Variants in XYLT1 observed in about 807,000 individuals in gnomAD.
XYLT1 encodes the protein xylosyltransferase 1, also known as beta-D-xylosyltransferase 1.
In XYLT1, 36 loss-of-function variants were observed where a neutral mutation model predicts 91.3. That is an observed-to-expected ratio of 0.39 (90% confidence interval 0.30 to 0.52). The LOEUF is 0.52. XYLT1 is among the 20% of genes least tolerant of loss of function. The pLI is 0.68. For missense variants in XYLT1, 1,242 were observed against 1,284.5 expected, an observed-to-expected ratio of 0.97 and a Z score of 0.51; for synonymous variants, 588 against 532.0, an observed-to-expected ratio of 1.11 and a Z score of -1.45.
intron 2 of XYLT1, among the ~76,000 whole-genome samples, chr16:17,344,550 G>A (rs1288774873): frequency 6.6e-6 from 1 of 151,674 alleles, no homozygotes; most frequent in East Asian, 1.9e-4. Context: ...CAGATCAAGT[G>A]ACCCCAGGTT....
chr16:17,112,970 G>C (rs1966845232), intron 11 of XYLT1, among the ~76,000 whole-genome samples: 2 of 151,970 alleles, frequency 1.3e-5, no homozygotes, highest in African/African-American at 4.8e-5. Context: ...CTCCCGAGTA[G>C]CTGGGATCAC....
At chr16:17,157,520 T>G (rs543847011) in intron 6 of XYLT1, among the ~76,000 whole-genome samples, 1 of 152,340 alleles carries the variant, frequency 6.6e-6, no homozygotes, top group Admixed American at 6.5e-5. Context: ...TCAGATTTTT[T>G]AAGACTGGCT....
chr16:17,424,134 T>G (rs2036283028), intron 1 of XYLT1, among the ~76,000 whole-genome samples: 1 of 152,218 alleles, frequency 6.6e-6, no homozygotes, highest in Non-Finnish European at 1.5e-5. Flanking sequence ...CACCCTTTAC[T>G]TCTTCTGAAA....
intron 9 of XYLT1, among the ~76,000 whole-genome samples, chr16:17,131,113 C>CA (rs1414510901): frequency 6.6e-6 from 1 of 152,178 alleles, no homozygotes; most frequent in East Asian, 1.9e-4. Context: ...CCGTGCCTAA[C>CA]ACACAGGCTG....
chr16:17,421,951 C>A (rs1211806824), intron 1 of XYLT1, among the ~76,000 whole-genome samples: 1 of 152,030 alleles, frequency 6.6e-6, no homozygotes. Context: ...AATGTTCCCA[C>A]CTAAGCCTTC....
chr16:17,424,214 T>C (rs1222910164), intron 1 of XYLT1, among the ~76,000 whole-genome samples: 3 of 152,326 alleles, frequency 2.0e-5, no homozygotes, highest in South Asian at 4.1e-4. Context: ...CTGCCACTTC[T>C]TAGCTGTGTG....
intron 2 of XYLT1, among the ~76,000 whole-genome samples, chr16:17,316,558 G>C (rs1263176047): frequency 6.6e-6 from 1 of 151,832 alleles, no homozygotes; most frequent in Non-Finnish European, 1.5e-5. Flanking sequence ...CACCATGCCT[G>C]GATGATTTTG....
chr16:17,317,069 G>A (rs955622507), intron 2 of XYLT1, among the ~76,000 whole-genome samples: 4 of 151,490 alleles, frequency 2.6e-5, no homozygotes, highest in Admixed American at 1.3e-4. Flanking sequence ...TGATCCGCCC[G>A]CCTCGGCCTC....
intron 1 of XYLT1, among the ~76,000 whole-genome samples, chr16:17,378,834 T>A (rs9929482): frequency 6.6e-6 from 1 of 152,040 alleles, no homozygotes; most frequent in Non-Finnish European, 1.5e-5. Flanking sequence ...CTCTTTATAC[T>A]GTATTCTCCT....
chr16:17,112,057 A>C lies in XYLT1; in HGVS notation c.2558-3040T>G, dbSNP rs553823043. ...GATACCGAAACTGACAAAAGGCAGG[A>C]CATTCAAAGGGAAAAGAGCAGCTAA... On this transcript the variant is annotated intron_variant, in intron 11 of 11. Coordinates refer to ENST00000261381, the MANE Select transcript of XYLT1 (RefSeq NM_022166.4). Among the ~76,000 whole-genome samples, 4 of 152,328 alleles carry C rather than the reference A, an allele frequency of 2.6e-5. No individual in the cohort carries two copies. The South Asian group carries it at 8.3e-4, about 32-fold the overall frequency.
chr16:17,295,528 G>T (rs569714534), intron 2 of XYLT1, among the ~76,000 whole-genome samples: 23 of 151,980 alleles, frequency 1.5e-4, no homozygotes, highest in Non-Finnish European at 2.8e-4. Flanking sequence ...GACAATTTTT[G>T]TATTTTTAGT....
intron 1 of XYLT1, among the ~76,000 whole-genome samples, chr16:17,423,190 A>G (rs1014762003): frequency 6.6e-6 from 1 of 152,154 alleles, no homozygotes; most frequent in African/African-American, 2.4e-5. Flanking sequence ...CTGCCCCAAG[A>G]TTCCACCCTT....
At chr16:17,298,209 G>A (rs2034342229) in intron 2 of XYLT1, among the ~76,000 whole-genome samples, 1 of 152,098 alleles carries the variant, frequency 6.6e-6, no homozygotes, top group Non-Finnish European at 1.5e-5. Flanking sequence ...TCCGTCAGGT[G>A]ACAGCCATGA....
At chr16:17,129,252 G>A (rs1300156968) in intron 9 of XYLT1, among the ~76,000 whole-genome samples, 2 of 151,972 alleles carry the variant, frequency 1.3e-5, no homozygotes, top group African/African-American at 4.8e-5. Flanking sequence ...CTCCTGCGAT[G>A]ACAGAAATAT....
At chr16:17,469,653 T>C (rs891198352) in intron 1 of XYLT1, among the ~76,000 whole-genome samples, 6 of 152,100 alleles carry the variant, frequency 3.9e-5, no homozygotes, top group Admixed American at 2.0e-4. Flanking sequence ...AGTAATCCCA[T>C]AGGAGTGGAA....
intron 1 of XYLT1, among the ~76,000 whole-genome samples, chr16:17,379,791 A>ACC: frequency 2.0e-5 from 3 of 151,000 alleles, no homozygotes; most frequent in Non-Finnish European, 4.4e-5. Flanking sequence ...ACACACACAC[A>ACC]CACCCCTTAC....
At chr16:17,349,383 A>C (rs1316027263) in intron 2 of XYLT1, among the ~76,000 whole-genome samples, 1 of 152,156 alleles carries the variant, frequency 6.6e-6, no homozygotes, top group Non-Finnish European at 1.5e-5. Context: ...TCTTATTGAT[A>C]TCTCTACCTA....
At chr16:17,255,558 A>C (rs1209720469) in intron 3 of XYLT1, among the ~76,000 whole-genome samples, 1 of 152,216 alleles carries the variant, frequency 6.6e-6, no homozygotes. Context: ...ACAGGTTAAC[A>C]AAAGATGCTG....
intron 2 of XYLT1, among the ~76,000 whole-genome samples, chr16:17,265,953 T>C (rs2033797599): frequency 6.6e-6 from 1 of 152,238 alleles, no homozygotes; most frequent in South Asian, 2.1e-4. Context: ...TGTAAAATGA[T>C]GTGTCCCGAA....
Sources: allele counts gnomAD v4.1 joint callset (sites outside exome capture counted in the v4.1 genomes callset), GRCh38; gene constraint gnomAD v4.1.1; transcripts MANE v1.5; gene names NCBI Gene and HGNC (gene_info 2026-07-23, HGNC 2026-07-21).